Variants in BMPER observed in about 807,000 individuals in gnomAD.
BMPER encodes BMP binding endothelial regulator.
A neutral mutation model predicts 87.3 loss-of-function variants in BMPER; 45 were observed. The observed-to-expected ratio is 0.52, with a 90% CI of 0.41 to 0.66. The LOEUF (loss-of-function observed/expected upper bound fraction) is 0.66. Ranked by LOEUF, BMPER falls within the 30% of genes least tolerant of loss-of-function variation. The pLI, the probability that BMPER is intolerant of heterozygous loss-of-function variation, is 0.00. For missense variants in BMPER, 784 were observed against 867.5 expected (o/e 0.90, Z 1.21); for synonymous variants, 326 against 316.2 (o/e 1.03, Z -0.33).
intron 11 of BMPER, among the ~76,000 whole-genome samples, chr7:34,075,902 T>G (rs1264064733): frequency 6.6e-6 from 1 of 152,230 alleles, no homozygotes; most frequent in African/African-American, 2.4e-5. Context: ...CATAGGGACC[T>G]TGAGGTGCCA....
rs749917233 is a variant in BMPER, at chr7:33,974,716, G to A, written c.508G>A (p.Gly170Ser). Reference protein sequence around the residue: ...CPTCPGCVFEGVQYQEGEEFQ... With the variant: ...CPTCPGCVFESVQYQEGEEFQ... Reference sequence around the variant, plus strand: ...CTGCTTTCCAGGCTGTGTGTTTGAGGGTGTGCAGTATCAAGAAGGGGAGGA... The same window carrying A: ...CTGCTTTCCAGGCTGTGTGTTTGAGAGTGTGCAGTATCAAGAAGGGGAGGA... Residue 170 changes from glycine to serine, a missense_variant, in exon 6 of 15, where the codon GGT (glycine) becomes AGT (serine). Coordinates refer to ENST00000649409, the MANE Select transcript of BMPER (RefSeq NM_001365308.1). 6.2e-7 allele frequency: 1 copy of A among 1,614,020 alleles called. No individual in the cohort carries two copies.
rs183750867 is a variant in BMPER at position 34,115,262 on chromosome 7, G to A, written c.1746-27968G>A. On this transcript the variant is annotated intron_variant, in intron 13 of 14. Transcript: ENST00000649409. ...TTTAGAAATACAATGATTATTTTAGGAGAGAGATAACTAATCTCTTGAGAC... is the reference window on the plus strand; with the variant it reads ...TTTAGAAATACAATGATTATTTTAGAAGAGAGATAACTAATCTCTTGAGAC... 7.2e-5 allele frequency among the ~76,000 whole-genome samples: 11 copies of A among 152,288 alleles called. No individual in the cohort carries two copies. In the East Asian group the frequency reaches 2.1e-3, roughly 29 times the overall value.
chr7:34,128,415 C>T (rs1347398382), intron 13 of BMPER, among the ~76,000 whole-genome samples: 1 of 152,082 alleles, frequency 6.6e-6, no homozygotes, highest in Non-Finnish European at 1.5e-5. Flanking sequence ...GTAAGTACCC[C>T]GCCTTACTCA....
intron 13 of BMPER, among the ~76,000 whole-genome samples, chr7:34,099,142 T>A (rs954264313): frequency 2.0e-5 from 3 of 152,170 alleles, no homozygotes; most frequent in African/African-American, 7.2e-5. Flanking sequence ...GGGCTTTCCC[T>A]GCAGGTGTTG....
rs552466826 is a variant in BMPER at position 34,112,356 on chromosome 7, C to T, written c.1745+26264C>T. On this transcript the variant is annotated intron_variant, in intron 13 of 14. Transcript: ENST00000649409. Reference sequence around the variant, plus strand: ...AAAAAAATACAAAAAATTAGCCAGGCGTGGTGGTGGGCGCCTGTAGTCCCA... The same window carrying T: ...AAAAAAATACAAAAAATTAGCCAGGTGTGGTGGTGGGCGCCTGTAGTCCCA... Among the ~76,000 whole-genome samples, 372 of 151,688 alleles carry T rather than the reference C, an allele frequency of 2.5e-3. 1 individual carries two copies. The highest frequency in any genetic ancestry group is 3.6e-3 in the Non-Finnish European group (247 of 67,926).
intron 2 of BMPER, among the ~76,000 whole-genome samples, chr7:33,923,985 C>T (rs546215330): frequency 3.6e-4 from 55 of 152,286 alleles, no homozygotes; most frequent in Non-Finnish European, 1.3e-4. Flanking sequence ...TCCCACACCC[C>T]CACCTGCAGT....
At chr7:34,031,166 T>C (rs1787507636) in intron 6 of BMPER, among the ~76,000 whole-genome samples, 1 of 151,926 alleles carries the variant, frequency 6.6e-6, no homozygotes, top group Admixed American at 6.6e-5. Context: ...ATCAGTGCTG[T>C]TTTTTTTCTT....
chr7:34,010,575 A>G (rs1183691589), intron 6 of BMPER, among the ~76,000 whole-genome samples: 1 of 151,854 alleles, frequency 6.6e-6, no homozygotes, highest in Non-Finnish European at 1.5e-5. Context: ...CTTCATTTCC[A>G]TTTAGATTGC....
chr7:34,041,697 C>T (rs1403129863), intron 6 of BMPER, among the ~76,000 whole-genome samples: 3 of 152,112 alleles, frequency 2.0e-5, no homozygotes, highest in Non-Finnish European at 4.4e-5. Context: ...ATCCTTTGCA[C>T]TAAAGACGTA....
chr7:33,911,169 G>C (rs183010920), intron 2 of BMPER, among the ~76,000 whole-genome samples: 99 of 152,274 alleles, frequency 6.5e-4, no homozygotes, highest in Middle Eastern at 3.4e-3. Flanking sequence ...TTTTTACTCT[G>C]TTTAGAAGGT....
chr7:33,938,585 G>A (rs533285352), intron 3 of BMPER, among the ~76,000 whole-genome samples: 1 of 152,186 alleles, frequency 6.6e-6, no homozygotes, highest in Non-Finnish European at 1.5e-5. Flanking sequence ...ATGCCCTGCC[G>A]ACACCTTGAT....
chr7:34,129,623 A>AAAGAAT (rs1790513308), intron 13 of BMPER, among the ~76,000 whole-genome samples: 1 of 143,546 alleles, frequency 7.0e-6, no homozygotes, highest in Non-Finnish European at 1.5e-5. Context: ...AGAGAGAGAG[A>AAAGAAT]GAAAGAGAGA....
intron 6 of BMPER, among the ~76,000 whole-genome samples, chr7:33,982,971 A>G (rs138883304): frequency 1.3e-3 from 201 of 152,228 alleles, no homozygotes; most frequent in African/African-American, 4.6e-3. Context: ...AAATTTCATA[A>G]TATGTTAGTT....
At chr7:33,948,918 T>C (rs1245851874) in intron 3 of BMPER, among the ~76,000 whole-genome samples, 2 of 151,490 alleles carry the variant, frequency 1.3e-5, no homozygotes, top group African/African-American at 2.4e-5. Flanking sequence ...GCTCTAGAGA[T>C]AAACAAGAGA....
chr7:34,071,782 G>T (rs1788742471), intron 11 of BMPER, among the ~76,000 whole-genome samples: 1 of 152,076 alleles, frequency 6.6e-6, no homozygotes. Flanking sequence ...ATGTAGTTGG[G>T]GAGATGAAAT....
chr7:34,039,315 A>G (rs1276070931), intron 6 of BMPER, among the ~76,000 whole-genome samples: 1 of 152,152 alleles, frequency 6.6e-6, no homozygotes, highest in Non-Finnish European at 1.5e-5. Context: ...AAGTTATTAA[A>G]AATGCGCATT....
chr7:34,039,603 TACACAC>T (rs56214614), intron 6 of BMPER, among the ~76,000 whole-genome samples: 8,660 of 142,596 alleles, frequency 0.061, 389 homozygotes, highest in African/African-American at 0.13. Flanking sequence ...GACACACAAA[TACACAC>T]ACACACACAC....
chr7:34,048,780 CT>C (rs1300885599), intron 7 of BMPER, among the ~76,000 whole-genome samples: 1 of 152,238 alleles, frequency 6.6e-6, no homozygotes, highest in East Asian at 1.9e-4. Context: ...TTGAAAATCT[CT>C]TTTTTGGTTG....
intron 6 of BMPER, among the ~76,000 whole-genome samples, chr7:34,002,460 A>G (rs1362398432): frequency 1.3e-5 from 2 of 151,800 alleles, no homozygotes; most frequent in East Asian, 3.9e-4. Flanking sequence ...TGCATTTTTA[A>G]TGATTTTCAA....
Sources: gnomAD v4.1 joint callset for allele counts (sites outside exome capture counted in the v4.1 genomes callset) on GRCh38, gnomAD v4.1.1 for gene constraint, MANE v1.5 for transcripts, NCBI Gene and HGNC (gene_info 2026-07-23, HGNC 2026-07-21) for gene names.